The following LYPD6B variants were observed in gnomAD, a reference collection of about 807,000 sequenced individuals.
The protein encoded by LYPD6B is LY6/PLAUR domain containing 6B.
In LYPD6B, 17 loss-of-function variants were observed where a neutral mutation model predicts 22.8. That is an observed-to-expected ratio of 0.75 (90% CI 0.51 to 1.12). The LOEUF (loss-of-function observed/expected upper bound fraction) is 1.12, where lower values mean the gene tolerates loss of function less well. Among genes scored for constraint, LYPD6B ranks in the 50% most tolerant of loss-of-function variants. LYPD6B has a pLI of 0.00. For missense variants in LYPD6B, 221 were observed against 258.3 expected (o/e 0.86, Z 0.99); for synonymous variants, 106 against 91.6 (o/e 1.16, Z -0.90).
rs1002306030 is a variant in LYPD6B at position 149,204,323 on chromosome 2, C to T, written c.78-930C>T. Among the ~76,000 whole-genome samples, 7 of 152,172 alleles carry T rather than the reference C, an allele frequency of 4.6e-5. No individual in the cohort carries two copies. The East Asian group carries it at 5.8e-4, about 13-fold the overall frequency. On this transcript the variant is annotated intron_variant, in intron 3 of 6. Coordinates refer to ENST00000409642, the MANE Select transcript of LYPD6B (RefSeq NM_177964.5). Reference sequence around the variant, plus strand: ...ACCTGAACCAAAGTCTTCGGGTTCCCGGTTACATACTTTTTCTGCTGCCCA... The same window carrying T: ...ACCTGAACCAAAGTCTTCGGGTTCCTGGTTACATACTTTTTCTGCTGCCCA...
intron 1 of LYPD6B, among the ~76,000 whole-genome samples, chr2:149,120,092 C>G (rs1024213855): frequency 6.6e-6 from 1 of 151,856 alleles, no homozygotes; most frequent in African/African-American, 2.4e-5. Flanking sequence ...TCTTGGGGAG[C>G]CCTGAGCTCC....
At chr2:149,120,375 A>ATTTTT (rs1454444460) in intron 1 of LYPD6B, among the ~76,000 whole-genome samples, 13 of 30,712 alleles carry the variant, frequency 4.2e-4, no homozygotes, top group South Asian at 1.1e-3. Flanking sequence ...ATATATATAT[A>ATTTTT]TATATATATT....
At chr2:149,131,301 G>C (rs1250629600) in intron 2 of LYPD6B, 1 of 236,866 alleles carries the variant, frequency 4.2e-6, no homozygotes, top group Non-Finnish European at 8.1e-6. Flanking sequence ...AAGTGCTTCA[G>C]ATGGCTTTGA....
At chr2:149,174,158 G>A (rs922844777) in intron 3 of LYPD6B, among the ~76,000 whole-genome samples, 4 of 152,074 alleles carry the variant, frequency 2.6e-5, no homozygotes, top group African/African-American at 7.2e-5. Flanking sequence ...TGTGGCAATC[G>A]TGAATGGGAG....
At chr2:149,120,373 A>T (rs1358760591) in intron 1 of LYPD6B, among the ~76,000 whole-genome samples, 2 of 30,460 alleles carry the variant, frequency 6.6e-5, no homozygotes, top group African/African-American at 1.6e-4. Context: ...ATATATATAT[A>T]TATATATATA....
At chr2:149,189,130 G>T (rs1321913747) in intron 3 of LYPD6B, among the ~76,000 whole-genome samples, 1 of 151,814 alleles carries the variant, frequency 6.6e-6, no homozygotes, top group African/African-American at 2.4e-5. Flanking sequence ...AAGACTTCAT[G>T]CCAGGGGCTA....
intron 1 of LYPD6B, among the ~76,000 whole-genome samples, chr2:149,085,242 G>A (rs114604243): frequency 0.046 from 7,032 of 152,290 alleles, 388 homozygotes; most frequent in African/African-American, 0.14. Context: ...TGTGTTTGCA[G>A]TCCATGGGCC....
intron 2 of LYPD6B, among the ~76,000 whole-genome samples, chr2:149,157,864 A>G (rs1689807256): frequency 6.6e-6 from 1 of 152,200 alleles, no homozygotes; most frequent in Non-Finnish European, 1.5e-5. Flanking sequence ...ATAGAAACCG[A>G]TGCTTCAGGT....
chr2:149,079,880 C>A (rs1034073555), intron 1 of LYPD6B, among the ~76,000 whole-genome samples: 3 of 152,178 alleles, frequency 2.0e-5, no homozygotes, highest in Admixed American at 6.5e-5. Flanking sequence ...TTCATTCTCG[C>A]AACCTTTTGT....
intron 2 of LYPD6B, among the ~76,000 whole-genome samples, chr2:149,144,670 G>C (rs578067620): frequency 6.6e-5 from 10 of 152,140 alleles, no homozygotes; most frequent in Admixed American, 2.6e-4. Flanking sequence ...GGGATTACAA[G>C]CATGAGCCAT....
In LYPD6B at chr2:149,174,289, A is replaced by G. The variant is rs974613895; in HGVS notation, c.77+13454A>G. ...CAGCTAAAGAAGCTTTTGGGCTGAGATGATGGTGTTTTCTAGAAAAAGGAT... is the reference window on the plus strand; with the variant it reads ...CAGCTAAAGAAGCTTTTGGGCTGAGGTGATGGTGTTTTCTAGAAAAAGGAT... On this transcript the variant is annotated intron_variant, in intron 3 of 6. Transcript: ENST00000409642. 7.2e-5 allele frequency among the ~76,000 whole-genome samples: 11 copies of G among 152,314 alleles called. No homozygotes were observed. The East Asian group carries it at 1.9e-3, about 27-fold the overall frequency.
intron 1 of LYPD6B, among the ~76,000 whole-genome samples, chr2:149,060,461 A>G (rs1267481060): frequency 6.6e-6 from 1 of 152,216 alleles, no homozygotes; most frequent in Non-Finnish European, 1.5e-5. Flanking sequence ...TTCTATGAGC[A>G]ATCTCCTACA....
At chr2:149,091,638 G>C (rs1374605965) in intron 1 of LYPD6B, among the ~76,000 whole-genome samples, 1 of 150,404 alleles carries the variant, frequency 6.6e-6, no homozygotes, top group Non-Finnish European at 1.5e-5. Flanking sequence ...TTTTTTTTAA[G>C]TAGGTACAAA....
intron 3 of LYPD6B, among the ~76,000 whole-genome samples, chr2:149,179,572 G>A (rs1422002306): frequency 6.6e-6 from 1 of 152,206 alleles, no homozygotes; most frequent in African/African-American, 2.4e-5. Context: ...GTTGGTGAGT[G>A]CCTGAAGGTC....
At chr2:149,106,825 G>A (rs1686495904) in intron 1 of LYPD6B, among the ~76,000 whole-genome samples, 1 of 151,560 alleles carries the variant, frequency 6.6e-6, no homozygotes, top group African/African-American at 2.4e-5. Flanking sequence ...GCCTATTTTG[G>A]GGGCTAATTC....
intron 1 of LYPD6B, among the ~76,000 whole-genome samples, chr2:149,108,187 G>A (rs1006469847): frequency 4.6e-5 from 7 of 152,164 alleles, no homozygotes; most frequent in African/African-American, 1.7e-4. Flanking sequence ...TTTGCCTGCT[G>A]CCATCTATGT....
chr2:149,042,690 G>A (rs1470231243), intron 1 of LYPD6B, among the ~76,000 whole-genome samples: 1 of 152,132 alleles, frequency 6.6e-6, no homozygotes, highest in Non-Finnish European at 1.5e-5. Flanking sequence ...TTTATGTTTT[G>A]TCTAATAAGT....
At chr2:149,213,242 C>T (rs1415671981) in intron 6 of LYPD6B, 120 bp downstream of exon 6, 5 of 1,327,726 alleles carry the variant, frequency 3.8e-6, no homozygotes, top group Non-Finnish European at 5.2e-6. Context: ...TGAGGAAAGA[C>T]TCCATACAAA....
chr2:149,203,123 G>C (rs1693278343), intron 3 of LYPD6B, among the ~76,000 whole-genome samples: 1 of 152,060 alleles, frequency 6.6e-6, no homozygotes, highest in African/African-American at 2.4e-5. Flanking sequence ...CTATGCACTG[G>C]GTCATTCAGT....
Sources: gnomAD v4.1 joint callset for allele counts (sites outside exome capture counted in the v4.1 genomes callset) on GRCh38, gnomAD v4.1.1 for gene constraint, MANE v1.5 for transcripts, NCBI Gene and HGNC (gene_info 2026-07-23, HGNC 2026-07-21) for gene names.